The following PPIL6 variants were observed in gnomAD, a reference collection of about 807,000 sequenced individuals.
PPIL6 encodes peptidylprolyl isomerase like 6.
Under a neutral mutation model 36.8 loss-of-function variants are expected in PPIL6, and 39 were observed. The ratio of observed to expected loss-of-function variants is 1.06; its 90% confidence interval spans 0.82 to 1.38. The LOEUF is 1.38. Ranked by LOEUF, PPIL6 falls within the 40% of genes most tolerant of loss-of-function variation. PPIL6 has a pLI of 0.00. For synonymous variants in PPIL6, 123 were observed against 134.1 expected, an observed-to-expected ratio of 0.92 and a Z score of 0.57; for missense variants, 368 against 379.1, an observed-to-expected ratio of 0.97 and a Z score of 0.24.
At chr6:109,417,737 C>T (rs1342550411) in intron 6 of PPIL6, among the ~76,000 whole-genome samples, 1 of 152,208 alleles carries the variant, frequency 6.6e-6, no homozygotes, top group Non-Finnish European at 1.5e-5. Flanking sequence ...CACAACCTTG[C>T]ATAAAGGCCA....
At chr6:109,396,036 C>T (rs1052459757) in intron 7 of PPIL6, among the ~76,000 whole-genome samples, 22 of 152,046 alleles carry the variant, frequency 1.4e-4, no homozygotes, top group Admixed American at 6.6e-5. Context: ...GAGGTTTCAC[C>T]GTGTTAGCCA....
At position 109,436,157 on chromosome 6, in the gene PPIL6, A is replaced by G. The variant is rs1774435528; in HGVS notation, c.178T>C (p.Leu60=). 6.3e-7 allele frequency: 1 copy of G among 1,585,618 alleles called. No homozygotes were observed. Among genetic ancestry groups the G allele is most frequent in the Non-Finnish European group, 8.7e-7 (1 of 1,154,524 alleles). Residue 60 remains leucine, a synonymous_variant, in exon 2 of 8, where the codon TTA becomes CTA. Coordinates refer to ENST00000521072, the MANE Select transcript of PPIL6 (RefSeq NM_173672.5). ...CATGCAAATTCTTGAAGAGGAACTA[A>G]TATAGGATCTTCAAATTTGGATGGA... ...NHPSKFEDPI[L]VPLQEFAWHQ...
chr6:109,429,477 T>C (rs972549419), intron 3 of PPIL6, among the ~76,000 whole-genome samples: 1 of 152,096 alleles, frequency 6.6e-6, no homozygotes, highest in Non-Finnish European at 1.5e-5. Flanking sequence ...CTGAGTACCC[T>C]TCCTATCTGG....
rs554400634 is a variant in PPIL6 at position 109,433,718 on chromosome 6, T to C, written c.232-2373A>G. 2.0e-5 allele frequency among the ~76,000 whole-genome samples: 3 copies of C among 152,110 alleles called. No homozygotes were observed. The South Asian group carries it at 6.2e-4, about 32-fold the overall frequency. On this transcript the variant is annotated intron_variant, in intron 2 of 7. Coordinates refer to ENST00000521072, the MANE Select transcript of PPIL6 (RefSeq NM_173672.5). The stretch of plus-strand genomic sequence containing the variant: ...CAAATGAGCTAAGAAGCACTACTTA[T>C]GACACAAGACACAATACTTACATTG...
chr6:109,431,738 A>G (rs1267423987), intron 2 of PPIL6, among the ~76,000 whole-genome samples: 1 of 152,346 alleles, frequency 6.6e-6, no homozygotes, highest in East Asian at 1.9e-4. Context: ...GACTGACACC[A>G]AACAGCCATA....
intron 7 of PPIL6, among the ~76,000 whole-genome samples, chr6:109,394,367 T>C (rs1036840757): frequency 3.6e-5 from 4 of 110,030 alleles, no homozygotes; most frequent in African/African-American, 1.6e-4. Flanking sequence ...GCGAGACTTA[T>C]CTCAAAAAAA....
chr6:109,435,533 TG>T (rs1168587413), intron 2 of PPIL6, among the ~76,000 whole-genome samples: 1 of 152,148 alleles, frequency 6.6e-6, no homozygotes, highest in Non-Finnish European at 1.5e-5. Flanking sequence ...CCTGACCTCA[TG>T]ATCGGCCTGC....
intron 1 of PPIL6, among the ~76,000 whole-genome samples, chr6:109,437,589 C>G (rs1225626461): frequency 7.9e-6 from 1 of 125,812 alleles, no homozygotes; most frequent in African/African-American, 2.9e-5. Flanking sequence ...GAGTCTCGCT[C>G]TGTTGCCCAG....
At chr6:109,435,608 TCAAAAA>T (rs2115292531) in intron 2 of PPIL6, among the ~76,000 whole-genome samples, 1 of 148,972 alleles carries the variant, frequency 6.7e-6, no homozygotes, top group East Asian at 2.1e-4. Flanking sequence ...AATGTTGTAG[TCAAAAA>T]CAAAAACAAG....
At chr6:109,430,933 G>A (rs1774107160) in intron 3 of PPIL6, among the ~76,000 whole-genome samples, 1 of 152,180 alleles carries the variant, frequency 6.6e-6, no homozygotes, top group African/African-American at 2.4e-5. Flanking sequence ...AAGTAAAAAT[G>A]TCTGCACAGA....
chr6:109,396,398 T>C (rs985438118), intron 7 of PPIL6, among the ~76,000 whole-genome samples: 1 of 152,054 alleles, frequency 6.6e-6, no homozygotes, highest in African/African-American at 2.4e-5. Flanking sequence ...CCATTGGGAG[T>C]TGGACCCTTG....
intron 2 of PPIL6, among the ~76,000 whole-genome samples, chr6:109,433,765 G>A (rs1774294109): frequency 6.6e-6 from 1 of 152,198 alleles, no homozygotes. Flanking sequence ...GGGACTACCT[G>A]AGAAGGAAGA....
At chr6:109,414,326 A>T (rs1773145634) in intron 6 of PPIL6, among the ~76,000 whole-genome samples, 1 of 151,956 alleles carries the variant, frequency 6.6e-6, no homozygotes, top group South Asian at 2.1e-4. Context: ...ATTTCCTCTT[A>T]TGTTCCTTGT....
intron 6 of PPIL6, among the ~76,000 whole-genome samples, chr6:109,403,413 G>A (rs1313054863): frequency 6.6e-6 from 1 of 151,998 alleles, no homozygotes; most frequent in Non-Finnish European, 1.5e-5. Context: ...TGCACCCTTT[G>A]GCAGTAAACA....
chr6:109,423,856 C>A (rs142289259), intron 5 of PPIL6, among the ~76,000 whole-genome samples: 9 of 152,230 alleles, frequency 5.9e-5, no homozygotes, highest in South Asian at 2.1e-4. Flanking sequence ...TCCTGTTTAA[C>A]CACCTATTTT....
chr6:109,420,346 A>AG lies in PPIL6; in HGVS notation c.632-1104_632-1103insC, dbSNP rs1322992604. On this transcript the variant is annotated intron_variant, in intron 5 of 7. Coordinates refer to ENST00000521072, the MANE Select transcript of PPIL6 (RefSeq NM_173672.5). The stretch of plus-strand genomic sequence containing the variant: ...AGACTCCATCTCAAAAAAAAAAAAA[A>AG]AAAAAAAAAAAAAAAAGAATATGAA... 1.9e-3 allele frequency among the ~76,000 whole-genome samples: 293 copies of AG among 150,370 alleles called. 3 individuals carry two copies. Among genetic ancestry groups the AG allele is most frequent in the African/African-American group, 6.9e-3 (285 of 41,128 alleles).
chr6:109,403,186 C>T, intron 6 of PPIL6: 1 of 1,084,112 alleles, frequency 9.2e-7, no homozygotes, highest in South Asian at 1.7e-5. Context: ...GTTGTTCAGA[C>T]TAGTCTTGAA....
chr6:109,427,201 C>G (rs770236558), intron 3 of PPIL6, 45 bp from the exon 4 acceptor site: 15 of 1,455,050 alleles, frequency 1.0e-5, no homozygotes, highest in Admixed American at 5.9e-5. Context: ...CAAAGTCTTA[C>G]AAGAAAGTTT....
chr6:109,431,096 C>A, intron 3 of PPIL6, 61 bp downstream of exon 3: 1 of 1,170,820 alleles, frequency 8.5e-7, no homozygotes, highest in Non-Finnish European at 1.2e-6. Flanking sequence ...ATAATTAATG[C>A]TGAATCAATA....
Sources: allele counts gnomAD v4.1 joint callset (sites outside exome capture counted in the v4.1 genomes callset), GRCh38; gene constraint gnomAD v4.1.1; transcripts MANE v1.5; gene names NCBI Gene and HGNC (gene_info 2026-07-23, HGNC 2026-07-21).